NFKB1: variants seen among roughly 807,000 people sequenced by gnomAD.
The protein encoded by NFKB1 is nuclear factor kappa B subunit 1, also known as nuclear factor NF-kappa-B p105 subunit.
Under a neutral mutation model 105.1 loss-of-function variants are expected in NFKB1, and 9 were observed. The observed-to-expected ratio is 0.09, with a 90% CI of 0.05 to 0.15. The LOEUF (loss-of-function observed/expected upper bound fraction) is 0.15, where lower values mean the gene tolerates loss of function less well. Ranked by LOEUF, NFKB1 falls within the 10% of genes least tolerant of loss-of-function variation. NFKB1 has a pLI of 1.00. For synonymous variants in NFKB1, 440 were observed against 442.2 expected, an observed-to-expected ratio of 1.00 and a Z score of 0.06; for missense variants, 830 against 1,203.7, an observed-to-expected ratio of 0.69 and a Z score of 4.59.
At chr4:102,515,141 C>T (rs1386593512) in intron 1 of NFKB1, among the ~76,000 whole-genome samples, 13 of 113,038 alleles carry the variant, frequency 1.2e-4, no homozygotes, top group East Asian at 8.3e-4. Context: ...GACGGAGTCT[C>T]GCTCTGTCGC....
Position 102,584,708 on chromosome 4 carries a change from G to A in NFKB1, c.954G>A (p.Lys318=), listed in dbSNP as rs147558315. Residue 318 remains lysine (K), a synonymous_variant, in exon 11 of 24, where the codon AAG becomes AAA. Coordinates refer to ENST00000226574, the MANE Select transcript of NFKB1 (RefSeq NM_003998.4). ...RQFAIVFKTP[K]YKDINITKPA... ...TTGCCATTGTCTTCAAAACTCCAAAGTATAAAGATATTAATATTACAAAAC... is the reference window on the plus strand; with the variant it reads ...TTGCCATTGTCTTCAAAACTCCAAAATATAAAGATATTAATATTACAAAAC... 6.2e-5 allele frequency: 100 copies of A among 1,609,454 alleles called. No homozygotes were observed. In the African/African-American group the frequency reaches 1.2e-3, roughly 19 times the overall value.
intron 5 of NFKB1, among the ~76,000 whole-genome samples, chr4:102,550,691 C>T (rs753337960): frequency 2.6e-5 from 4 of 152,146 alleles, no homozygotes; most frequent in African/African-American, 7.2e-5. Flanking sequence ...TTACTATATT[C>T]GGTTCAAAAT....
chr4:102,533,726 T>C (rs1741451471), intron 3 of NFKB1, 119 bp from the exon 4 acceptor site: 1 of 821,876 alleles, frequency 1.2e-6, no homozygotes, highest in Admixed American at 2.7e-5. Context: ...TAACCAAAAA[T>C]TGATTTGAAA....
intron 21 of NFKB1, 101 bp downstream of exon 21, chr4:102,612,211 T>C (rs1203094791): frequency 1.7e-6 from 2 of 1,179,164 alleles, no homozygotes; most frequent in Non-Finnish European, 2.5e-6. Flanking sequence ...TTAAAAGTTC[T>C]TATTTCAGAA....
At chr4:102,595,668 A>C (rs945804304) in intron 13 of NFKB1, among the ~76,000 whole-genome samples, 5 of 152,226 alleles carry the variant, frequency 3.3e-5, no homozygotes, top group Admixed American at 1.3e-4. Context: ...GAAAAGCTAG[A>C]TGCTCTCATA....
intron 1 of NFKB1, among the ~76,000 whole-genome samples, chr4:102,516,572 T>C (rs1740201536): frequency 7.5e-6 from 1 of 134,100 alleles, no homozygotes; most frequent in East Asian, 2.2e-4. Context: ...TTCTAAAATT[T>C]CCATTCTTTT....
chr4:102,616,309 T>G, intron 23 of NFKB1, 125 bp from the exon 24 acceptor site: 1 of 963,174 alleles, frequency 1.0e-6, no homozygotes, highest in Non-Finnish European at 1.6e-6. Flanking sequence ...GTCATGACAG[T>G]GAGGGTGGCA....
chr4:102,607,805 C>A, intron 19 of NFKB1, 54 bp downstream of exon 19: 1 of 1,498,790 alleles, frequency 6.7e-7, no homozygotes, highest in East Asian at 2.3e-5. Context: ...GAATGCAAAC[C>A]CAACTTCAAT....
At position 102,616,785 on chromosome 4, in the gene NFKB1, CTTACAGATAGTATCTAGCAAT is replaced by C; in HGVS notation, c.*192_*212del. 1 of 578,024 alleles carries C rather than the reference CTTACAGATAGTATCTAGCAAT, an allele frequency of 1.7e-6. No homozygotes were observed. The highest frequency in any genetic ancestry group is 3.0e-6 in the Non-Finnish European group (1 of 335,378). The allele number at this position is 578,024 out of a possible 1,614,324, so 35.8% of individuals were successfully genotyped here. ...CATAAATGAATTTTAGTTTGGTTCA[CTTACAGATAGTATCTAGCAAT>C]CACAACACTGGCTGAGCGGATGCAT... On this transcript the variant is annotated 3_prime_UTR_variant, in exon 24 of 24. Coordinates refer to ENST00000226574, the MANE Select transcript of NFKB1 (RefSeq NM_003998.4).
At chr4:102,513,140 C>T (rs934215275) in intron 1 of NFKB1, among the ~76,000 whole-genome samples, 17 of 152,150 alleles carry the variant, frequency 1.1e-4, no homozygotes, top group African/African-American at 2.7e-4. Flanking sequence ...GAAATGTAGA[C>T]GCAAAAGGTC....
chr4:102,616,738 A>T lies in NFKB1; in HGVS notation c.*144A>T. The T allele has an allele frequency of 1.2e-6, 1 of 812,306 alleles. No individual in the cohort carries two copies. The highest frequency in any genetic ancestry group is 1.9e-6 in the Non-Finnish European group (1 of 536,816). 50.3% of individuals were successfully genotyped at this position (812,306 alleles called of 1,614,324 possible). On this transcript the variant is annotated 3_prime_UTR_variant, in exon 24 of 24. Transcript: ENST00000226574. ...TCTCGATTTAACTCGAGACCTTTTC[A>T]ACTTGGCTTCCTTTCTTGGTTCATA...
chr4:102,573,048 C>T (rs1263974684), intron 6 of NFKB1, among the ~76,000 whole-genome samples: 2 of 152,168 alleles, frequency 1.3e-5, no homozygotes, highest in Non-Finnish European at 1.5e-5. Context: ...GTGGCTCACG[C>T]CTGAAATCCC....
At chr4:102,537,834 T>TA in intron 4 of NFKB1, 24 bp from the exon 5 acceptor site, 1 of 1,426,918 alleles carries the variant, frequency 7.0e-7, no homozygotes, top group Non-Finnish European at 9.8e-7. Context: ...TCAAACTTAA[T>TA]TGGCTTAACG....
chr4:102,525,254 A>G (rs1407419297), intron 1 of NFKB1, among the ~76,000 whole-genome samples: 1 of 137,590 alleles, frequency 7.3e-6, no homozygotes, highest in Non-Finnish European at 1.7e-5. Context: ...TACCAAACTC[A>G]GGACACTGTG....
At chr4:102,557,108 G>A (rs230509) in intron 5 of NFKB1, 110,852 of 152,128 alleles carry the variant, frequency 0.73, 41,737 homozygotes, top group African/African-American at 0.92. Context: ...GAGCCTCAGT[G>A]ACAGTAAGGA....
chr4:102,567,731 TAAAA>T (rs1219216734), intron 6 of NFKB1, among the ~76,000 whole-genome samples: 1 of 152,202 alleles, frequency 6.6e-6, no homozygotes, highest in African/African-American at 2.4e-5. Context: ...GTTGATCAAA[TAAAA>T]CAAGCAATTT....
chr4:102,613,646 C>G (rs1728659581), intron 23 of NFKB1, 65 bp downstream of exon 23: 17 of 1,531,936 alleles, frequency 1.1e-5, no homozygotes, highest in African/African-American at 1.4e-5. Context: ...GTCTTCAGCT[C>G]TTTTTGGATA....
intron 8 of NFKB1, among the ~76,000 whole-genome samples, chr4:102,579,318 GT>G (rs1725128725): frequency 6.6e-6 from 1 of 152,022 alleles, no homozygotes; most frequent in Admixed American, 6.6e-5. Flanking sequence ...ATTTATGAAT[GT>G]CTTGCTATAA....
At chr4:102,611,281 C>T (rs573546254) in intron 20 of NFKB1, among the ~76,000 whole-genome samples, 5 of 152,268 alleles carry the variant, frequency 3.3e-5, no homozygotes, top group South Asian at 4.1e-4. Flanking sequence ...CTTCTAGAGA[C>T]GAGAGCTGCT....
Sources: allele counts gnomAD v4.1 joint callset (sites outside exome capture counted in the v4.1 genomes callset), GRCh38; gene constraint gnomAD v4.1.1; transcripts MANE v1.5; gene names NCBI Gene and HGNC (gene_info 2026-07-23, HGNC 2026-07-21).